SH2D4B: variants seen among roughly 807,000 people sequenced by gnomAD.
The protein encoded by SH2D4B is SH2 domain-containing protein 4B.
In SH2D4B, 45 loss-of-function variants were observed where a neutral mutation model predicts 61.5. The ratio of observed to expected loss-of-function variants is 0.73; its 90% CI spans 0.58 to 0.94. The LOEUF (loss-of-function observed/expected upper bound fraction) is 0.94. Ranked by LOEUF, SH2D4B falls within the 40% of genes least tolerant of loss-of-function variation. The pLI is 0.00. For missense variants in SH2D4B, 572 were observed against 574.2 expected, an observed-to-expected ratio of 1.00 and a Z score of 0.04; for synonymous variants, 224 against 220.4, an observed-to-expected ratio of 1.02 and a Z score of -0.14.
chr10:80,640,361 T>C (rs1840268836), intron 7 of SH2D4B, among the ~76,000 whole-genome samples: 1 of 152,242 alleles, frequency 6.6e-6, no homozygotes, highest in South Asian at 2.1e-4. Flanking sequence ...GAAGTTCTCC[T>C]GGATAATATC....
At chr10:80,626,529 G>A (rs1024930004) in intron 6 of SH2D4B, among the ~76,000 whole-genome samples, 3 of 152,138 alleles carry the variant, frequency 2.0e-5, no homozygotes, top group Admixed American at 6.5e-5. Flanking sequence ...ATATATGTTA[G>A]ACTTCCCATT....
At chr10:80,640,406 T>C (rs2132167022) in intron 7 of SH2D4B, among the ~76,000 whole-genome samples, 1 of 152,318 alleles carries the variant, frequency 6.6e-6, no homozygotes, top group South Asian at 2.1e-4. Context: ...TCCATTCTCC[T>C]CGTCACTTTC....
rs751345833 is a variant in SH2D4B at position 80,634,484 on chromosome 10, G to C, written c.1188G>C (p.Thr396=). 6.5e-7 allele frequency: 1 copy of C among 1,550,066 alleles called. No individual in the cohort carries two copies. Among genetic ancestry groups the C allele is most frequent in the East Asian group, 2.4e-5 (1 of 40,890 alleles). The stretch of plus-strand genomic sequence containing the variant: ...ACCCCAATCGCCATGCAACGCTCAC[G>C]GATCTCGTTGATTTCCATAAGGTAT... The part of the protein sequence containing the change: ...GVDPNRHATL[T]DLVDFHKEEI... The change falls in exon 7 of 8, where the codon ACG becomes ACC. Residue 396 remains threonine (T), a synonymous_variant. Transcript: ENST00000646907.
intron 6 of SH2D4B, 60 bp from the exon 7 acceptor site, chr10:80,634,225 C>A: frequency 6.8e-7 from 1 of 1,471,212 alleles, no homozygotes; most frequent in Non-Finnish European, 9.0e-7. Flanking sequence ...AGTGGAGAAT[C>A]GTGGGGGAGG....
chr10:80,546,590 A>C (rs1401781345), intron 1 of SH2D4B, among the ~76,000 whole-genome samples: 1 of 145,986 alleles, frequency 6.8e-6, no homozygotes, highest in Non-Finnish European at 1.5e-5. Flanking sequence ...CAGTGGCGCT[A>C]TCTTGGCTCA....
At chr10:80,567,427 T>C (rs1453594539) in intron 1 of SH2D4B, among the ~76,000 whole-genome samples, 1 of 152,162 alleles carries the variant, frequency 6.6e-6, no homozygotes, top group Non-Finnish European at 1.5e-5. Flanking sequence ...CACCACCTCT[T>C]ATAGGGGACA....
Position 80,603,761 on chromosome 10 carries a change from C to T in SH2D4B, c.826C>T (p.Pro276Ser). 1 of 1,612,142 alleles carries T rather than the reference C, an allele frequency of 6.2e-7. No individual in the cohort carries two copies. The highest frequency in any genetic ancestry group is 8.5e-7 in the Non-Finnish European group (1 of 1,179,822). The stretch of plus-strand genomic sequence containing the variant: ...AAGACTCTACCACCACCTCCCCGAC[C>T]CGGGTCTGCCGCAGCCCCTTGCCCT... ...EARLYHHLPD[P>S]GLPQPLALPV... Residue 276 changes from proline (P) to serine (S), a missense_variant, in exon 5 of 8, where the codon CCG becomes TCG. Pro to Ser is a moderately conservative substitution (Grantham distance 74). Transcript: ENST00000646907.
At chr10:80,545,419 CCT>C (rs142873941) in intron 1 of SH2D4B, among the ~76,000 whole-genome samples, 1,775 of 150,448 alleles carry the variant, frequency 0.012, 30 homozygotes, top group African/African-American at 0.04. Flanking sequence ...TACTTTCTGT[CCT>C]CTTTCTTCTT....
intron 1 of SH2D4B, among the ~76,000 whole-genome samples, chr10:80,542,491 G>T (rs1356486006): frequency 2.7e-5 from 4 of 147,290 alleles, no homozygotes; most frequent in Non-Finnish European, 6.0e-5. Context: ...TCTGCCTCCC[G>T]GGTTCAAGCG....
chr10:80,571,485 G>A lies in SH2D4B; in HGVS notation c.402G>A (p.Glu134=), dbSNP rs1279065112. 1 of 1,614,198 alleles carries A rather than the reference G, an allele frequency of 6.2e-7. No homozygotes were observed. Among genetic ancestry groups the A allele is most frequent in the Non-Finnish European group, 8.5e-7 (1 of 1,180,026 alleles). The part of the protein sequence containing the change: ...TKKFRDALAN[E]KARILAEKWK... ...AGTTCCGGGATGCTCTGGCCAATGAGAAAGCCCGGATCTTGGCGGAGAAGT... is the reference window on the plus strand; with the variant it reads ...AGTTCCGGGATGCTCTGGCCAATGAAAAAGCCCGGATCTTGGCGGAGAAGT... Residue 134 remains glutamate, a synonymous_variant, in exon 3 of 8, where the codon GAG becomes GAA. Transcript: ENST00000646907.
intron 1 of SH2D4B, among the ~76,000 whole-genome samples, chr10:80,545,925 A>G (rs148094678): frequency 0.01 from 1,531 of 152,252 alleles, 9 homozygotes; most frequent in Non-Finnish European, 0.015. Flanking sequence ...ACAATAATAT[A>G]TGTATAAGCA....
chr10:80,540,311 C>G (rs1841561312), intron 1 of SH2D4B, among the ~76,000 whole-genome samples: 1 of 152,154 alleles, frequency 6.6e-6, no homozygotes, highest in Non-Finnish European at 1.5e-5. Context: ...ACTGGGGAGC[C>G]TGGGGGCTGG....
chr10:80,643,916 A>G, intron 7 of SH2D4B, 77 bp from the exon 8 acceptor site: 1 of 1,134,654 alleles, frequency 8.8e-7, no homozygotes, highest in Non-Finnish European at 1.3e-6. Context: ...CTCTGTCTTG[A>G]ACCACTCTCT....
rs577332151 is a variant in SH2D4B at position 80,629,209 on chromosome 10, A to G, written c.989-5076A>G. Reference sequence around the variant, plus strand: ...TATCCATGGTGGAAGGCAAAGGGGAAGCCAGCATATCACATGGCGAGAGGG... The same window carrying G: ...TATCCATGGTGGAAGGCAAAGGGGAGGCCAGCATATCACATGGCGAGAGGG... On this transcript the variant is annotated intron_variant, in intron 6 of 7. Coordinates refer to ENST00000646907, the MANE Select transcript of SH2D4B (RefSeq NM_001388272.1). 9.9e-5 allele frequency among the ~76,000 whole-genome samples: 15 copies of G among 152,220 alleles called. No homozygotes were observed. In the South Asian group the frequency reaches 1.0e-3, roughly 11 times the overall value.
intron 3 of SH2D4B, among the ~76,000 whole-genome samples, chr10:80,573,238 G>A (rs1191150042): frequency 1.4e-5 from 2 of 142,864 alleles, no homozygotes; most frequent in African/African-American, 2.6e-5. Context: ...CGCCCACCTC[G>A]GCCTCCCAAA....
chr10:80,576,288 T>G (rs1842124318), intron 3 of SH2D4B, among the ~76,000 whole-genome samples: 1 of 152,252 alleles, frequency 6.6e-6, no homozygotes, highest in African/African-American at 2.4e-5. Flanking sequence ...CCACAGGCTG[T>G]GGATGTTATT....
At chr10:80,597,531 C>T (rs913918590) in intron 4 of SH2D4B, among the ~76,000 whole-genome samples, 3 of 151,970 alleles carry the variant, frequency 2.0e-5, no homozygotes, top group Admixed American at 6.6e-5. Flanking sequence ...CCAGGCATGG[C>T]GGTGTGCACC....
At chr10:80,558,982 G>T (rs1841871001) in intron 1 of SH2D4B, among the ~76,000 whole-genome samples, 1 of 152,142 alleles carries the variant, frequency 6.6e-6, no homozygotes, top group African/African-American at 2.4e-5. Context: ...CAGTTATTAA[G>T]ATAGAGTAGC....
At chr10:80,598,405 A>G (rs970429633) in intron 4 of SH2D4B, among the ~76,000 whole-genome samples, 4 of 152,182 alleles carry the variant, frequency 2.6e-5, no homozygotes, top group Non-Finnish European at 5.9e-5. Flanking sequence ...CGGTGTGGCA[A>G]CTGAAAATGG....
Sources: gnomAD v4.1 joint callset for allele counts (sites outside exome capture counted in the v4.1 genomes callset) on GRCh38, gnomAD v4.1.1 for gene constraint, MANE v1.5 for transcripts, NCBI Gene and HGNC (gene_info 2026-07-23, HGNC 2026-07-21) for gene names.